CACNG4: variants seen among roughly 807,000 people sequenced by gnomAD.
CACNG4 encodes the protein voltage-dependent calcium channel gamma-4 subunit.
In CACNG4, 8 loss-of-function variants were observed where a neutral mutation model predicts 22.9. That is an observed-to-expected ratio of 0.35 (90% confidence interval 0.21 to 0.63). The LOEUF is 0.63. CACNG4 is among the 30% of genes least tolerant of loss of function. The pLI, the probability that CACNG4 is intolerant of heterozygous loss-of-function variation, is 0.72. For missense variants in CACNG4, 357 were observed against 455.4 expected, an observed-to-expected ratio of 0.78 and a Z score of 1.97; for synonymous variants, 188 against 191.9, an observed-to-expected ratio of 0.98 and a Z score of 0.17.
Position 67,031,331 on chromosome 17 carries a change from C to T in CACNG4, c.*327C>T. ...TCAACTTGGGAAGACAAAATTGAGC[C>T]ATTATCTCCTCTTGGAAACGAATCT... On this transcript the variant is annotated 3_prime_UTR_variant, in exon 4 of 4. Transcript: ENST00000262138. This position sits in a 1 kb window ranked among gnomAD's most constrained non-coding sequence, Gnocchi z 4.0. 1 of 539,484 alleles carries T rather than the reference C, an allele frequency of 1.9e-6. No individual in the cohort carries two copies. 33.4% of individuals were successfully genotyped at this position (539,484 alleles called of 1,614,324 possible).
chr17:66,995,748 G>T (rs562050555), intron 1 of CACNG4, among the ~76,000 whole-genome samples: 26 of 152,188 alleles, frequency 1.7e-4, no homozygotes, highest in African/African-American at 5.8e-4. Flanking sequence ...TACTCGGGAG[G>T]CTGAGGCAGG....
Position 67,030,738 on chromosome 17 carries a change from C to T in CACNG4, c.718C>T (p.Arg240Ter), listed in dbSNP as rs1271021237. ...CAGGATGCCGAGCTACAGGTACCGG[C>T]GACGGCGCTCGAGGTCCAGCTCAAG... is the stretch of plus-strand genomic sequence containing the variant. Reference protein sequence around the residue: ...YARMPSYRYRRRRSRSSSRST... With the variant: ...YARMPSYRYR The change falls in exon 4 of 4, where the codon CGA becomes TGA. Residue 240 changes from arginine to a stop codon, truncating the protein, a stop_gained. Coordinates refer to ENST00000262138, the MANE Select transcript of CACNG4 (RefSeq NM_014405.4). LOFTEE classifies it high-confidence loss of function. This position sits in a 1 kb window ranked among gnomAD's most constrained non-coding sequence, Gnocchi z 6.4. The T allele has an allele frequency of 2.5e-6, 4 of 1,614,204 alleles. No individual in the cohort carries two copies. Among genetic ancestry groups the T allele is most frequent in the Admixed American group, 1.7e-5 (1 of 60,030 alleles).
At chr17:67,021,295 C>T (rs562263009) in intron 2 of CACNG4, among the ~76,000 whole-genome samples, 11 of 152,314 alleles carry the variant, frequency 7.2e-5, no homozygotes, top group South Asian at 2.1e-4. Context: ...GCTCTGCCTC[C>T]GGGTGGAGAA....
chr17:66,996,023 C>T (rs987284070), intron 1 of CACNG4, among the ~76,000 whole-genome samples: 18 of 152,062 alleles, frequency 1.2e-4, no homozygotes, highest in African/African-American at 2.2e-4. Flanking sequence ...GAGTGTGGCC[C>T]GTTGGATTCG....
At chr17:67,005,509 C>A (rs889084115) in intron 1 of CACNG4, among the ~76,000 whole-genome samples, 3 of 152,228 alleles carry the variant, frequency 2.0e-5, no homozygotes, top group Non-Finnish European at 2.9e-5. Flanking sequence ...AGAGTGATGT[C>A]TCCGCTTACC....
chr17:67,013,044 G>T (rs911835296), intron 1 of CACNG4, among the ~76,000 whole-genome samples: 3 of 152,222 alleles, frequency 2.0e-5, no homozygotes, highest in Admixed American at 1.3e-4. Flanking sequence ...TGGAGGCTTA[G>T]TGCCCCTGAA....
intron 1 of CACNG4, among the ~76,000 whole-genome samples, chr17:66,985,588 T>C (rs2035300753): frequency 6.6e-6 from 1 of 151,738 alleles, no homozygotes; most frequent in African/African-American, 2.4e-5. Flanking sequence ...TGTGTAAGAG[T>C]TCCCCAGGCA....
intron 1 of CACNG4, among the ~76,000 whole-genome samples, chr17:67,005,317 TTC>T (rs1301629728): frequency 6.6e-6 from 1 of 152,136 alleles, no homozygotes; most frequent in Non-Finnish European, 1.5e-5. Context: ...ATGGGGGAAG[TTC>T]TGTGTGAAGG....
intron 1 of CACNG4, among the ~76,000 whole-genome samples, chr17:66,988,199 G>T (rs892275286): frequency 2.6e-5 from 4 of 152,162 alleles, no homozygotes; most frequent in South Asian, 2.1e-4. Flanking sequence ...AGCGTCTGCA[G>T]TTCCATCTGC....
chr17:67,021,254 A>G (rs542054932), intron 2 of CACNG4, among the ~76,000 whole-genome samples: 2 of 148,570 alleles, frequency 1.3e-5, no homozygotes, highest in East Asian at 4.0e-4. Flanking sequence ...ACTGTATTAG[A>G]CATGTGGAGT....
intron 1 of CACNG4, among the ~76,000 whole-genome samples, chr17:66,979,295 G>T (rs576639088): frequency 6.6e-6 from 1 of 151,946 alleles, no homozygotes; most frequent in Non-Finnish European, 1.5e-5. Context: ...TGTAAACCAC[G>T]CAAGCCCTCT....
rs1223934716 is a variant in CACNG4 at position 66,964,873 on chromosome 17, G to C, written c.-39G>C. Reference sequence around the variant, plus strand: ...AGGGAGGAGGGCGGGCGGGCGCGGCGGGCCGGGCCGGCGGGCGGCGGACTA... The same window carrying C: ...AGGGAGGAGGGCGGGCGGGCGCGGCCGGCCGGGCCGGCGGGCGGCGGACTA... On this transcript the variant is annotated 5_prime_UTR_variant, in exon 1 of 4. Coordinates refer to ENST00000262138, the MANE Select transcript of CACNG4 (RefSeq NM_014405.4). 7.3e-6 allele frequency: 9 copies of C among 1,234,932 alleles called. No homozygotes were observed. The highest frequency in any genetic ancestry group is 1.6e-5 in the African/African-American group (1 of 61,958). The allele number at this position is 1,234,932 out of a possible 1,614,324, so 76.5% of individuals were successfully genotyped here. A position where few individuals can be genotyped will look rare whatever the true frequency, so the allele number is the denominator to read the frequency against.
Position 67,031,665 on chromosome 17 carries a change from G to A in CACNG4, c.*661G>A. Reference sequence around the variant, plus strand: ...ACCTGGGGAGGCCGTGGCCTGTGGAGGAGGCCCAGGTAAAGGCTGGGGGCT... The same window carrying A: ...ACCTGGGGAGGCCGTGGCCTGTGGAAGAGGCCCAGGTAAAGGCTGGGGGCT... On this transcript the variant is annotated 3_prime_UTR_variant, in exon 4 of 4. Coordinates refer to ENST00000262138, the MANE Select transcript of CACNG4 (RefSeq NM_014405.4). This position sits in a 1 kb window ranked among gnomAD's most constrained non-coding sequence, Gnocchi z 4.0. 2.2e-6 allele frequency: 1 copy of A among 456,802 alleles called. No individual in the cohort carries two copies. The highest frequency in any genetic ancestry group is 1.5e-5 in the South Asian group (1 of 64,568). 28.3% of individuals were successfully genotyped at this position (456,802 alleles called of 1,614,324 possible). A position where few individuals can be genotyped will look rare whatever the true frequency, so the allele number is the denominator to read the frequency against.
intron 1 of CACNG4, 86 bp downstream of exon 1, chr17:66,965,217 C>CAT (rs1845375253): frequency 2.6e-5 from 22 of 835,004 alleles, no homozygotes; most frequent in South Asian, 7.1e-5. Context: ...CGCGCGCACA[C>CAT]ACACACACGC....
intron 1 of CACNG4, among the ~76,000 whole-genome samples, chr17:67,006,990 T>G (rs986679208): frequency 6.6e-6 from 1 of 151,902 alleles, no homozygotes; most frequent in Non-Finnish European, 1.5e-5. Flanking sequence ...GCCTGGCCAA[T>G]GTAGTAAAAC....
At chr17:66,997,045 A>G (rs761564745) in intron 1 of CACNG4, among the ~76,000 whole-genome samples, 12 of 152,198 alleles carry the variant, frequency 7.9e-5, no homozygotes, top group South Asian at 4.1e-4. Context: ...ACTCAGGGTC[A>G]GCAGGAACCA....
intron 1 of CACNG4, among the ~76,000 whole-genome samples, chr17:66,978,351 C>T (rs969921287): frequency 1.3e-5 from 2 of 152,188 alleles, no homozygotes; most frequent in African/African-American, 4.8e-5. Context: ...TAGTTATTCT[C>T]ATCTGCTAAC....
intron 1 of CACNG4, among the ~76,000 whole-genome samples, chr17:66,981,620 CTCT>C (rs1332461014): frequency 6.6e-6 from 1 of 152,190 alleles, no homozygotes; most frequent in East Asian, 1.9e-4. Flanking sequence ...CACCAGTGGC[CTCT>C]TGAGCCGCCC....
chr17:67,028,560 A>G (rs1394500686), intron 3 of CACNG4, among the ~76,000 whole-genome samples: 2 of 151,238 alleles, frequency 1.3e-5, no homozygotes, highest in African/African-American at 4.9e-5. Flanking sequence ...CTCAAAAAAG[A>G]AAAACAAAAA....
Sources: allele counts gnomAD v4.1 joint callset (sites outside exome capture counted in the v4.1 genomes callset), GRCh38; gene constraint gnomAD v4.1.1; non-coding constraint Gnocchi (gnomAD v3.1); transcripts MANE v1.5; gene names NCBI Gene and HGNC (gene_info 2026-07-23, HGNC 2026-07-21).